The following ARHGEF26 variants were observed in gnomAD, a reference collection of about 807,000 sequenced individuals.
The protein encoded by ARHGEF26 is Rho guanine nucleotide exchange factor (GEF) 26.
ARHGEF26 carries 59 observed loss-of-function variants against 89.4 expected under a neutral mutation model. The observed-to-expected ratio is 0.66, with a 90% CI of 0.54 to 0.82. The LOEUF is 0.82. ARHGEF26 is among the 40% of genes least tolerant of loss of function. The pLI is 0.00. For synonymous variants in ARHGEF26, 500 were observed against 428.4 expected, an observed-to-expected ratio of 1.17 and a Z score of -2.06; for missense variants, 1,234 against 1,085.6, an observed-to-expected ratio of 1.14 and a Z score of -1.92.
Position 154,256,534 on chromosome 3 carries a change from A to ACTT in ARHGEF26, c.*1062_*1064dup. The ACTT allele has an allele frequency of 1.0e-6, 1 of 952,770 alleles. No homozygotes were observed. The highest frequency in any genetic ancestry group is 1.2e-6 in the Non-Finnish European group (1 of 812,040). The allele number at this position is 952,770 out of a possible 1,614,324, so 59.0% of individuals were successfully genotyped here. ...AGGCATGAGCCACCGTGCCCAGCCT[A>ACTT]CTTTCTAATTAATTAAAAAAAAAAA... On this transcript the variant is annotated 3_prime_UTR_variant, in exon 15 of 15. Transcript: ENST00000465093.
At position 154,191,562 on chromosome 3, in the gene ARHGEF26, C is replaced by T. The variant is rs1054959815; in HGVS notation, c.1770+144C>T. 22 of 1,002,910 alleles carry T rather than the reference C, an allele frequency of 2.2e-5. No individual in the cohort carries two copies. The Middle Eastern group carries it at 8.6e-4, about 39-fold the overall frequency. The allele number at this position is 1,002,910 out of a possible 1,614,324, so 62.1% of individuals were successfully genotyped here. ...ATTAAGTGAGAAGGTGTTGTTTGTT[C>T]AGAAAGTCTCACCTGTATCTGATAT... is the stretch of plus-strand genomic sequence containing the variant. On this transcript the variant is annotated intron_variant, in intron 8 of 14. Coordinates refer to ENST00000465093, the MANE Select transcript of ARHGEF26 (RefSeq NM_015595.4).
chr3:154,225,831 T>C, intron 10 of ARHGEF26, 25 bp from the exon 11 acceptor site: 1 of 1,576,540 alleles, frequency 6.3e-7, no homozygotes, highest in Non-Finnish European at 8.6e-7. Flanking sequence ...TTAGCTTTGG[T>C]CACTGGGTTT....
At chr3:154,199,913 T>C (rs991506480) in intron 9 of ARHGEF26, among the ~76,000 whole-genome samples, 2 of 152,152 alleles carry the variant, frequency 1.3e-5, no homozygotes, top group Admixed American at 1.3e-4. Context: ...TATTAGATTT[T>C]TTTTCTATAG....
rs189891630 is a variant in ARHGEF26, at chr3:154,193,933, C to T, written c.1771-711C>T. On this transcript the variant is annotated intron_variant, in intron 8 of 14. Transcript: ENST00000465093. ...CGCTGCAACCTCCACCTCCCAGGCT[C>T]AAGTGACCCTCCCACCTTAGCCTCC... Among the ~76,000 whole-genome samples, 38 of 152,148 alleles carry T rather than the reference C, an allele frequency of 2.5e-4. No individual in the cohort carries two copies. The East Asian group carries it at 7.2e-3, about 29-fold the overall frequency.
At position 154,134,366 on chromosome 3, in the gene ARHGEF26, CA is replaced by C. The variant is rs574626678; in HGVS notation, c.1269+4649del. Among the ~76,000 whole-genome samples, 43 of 152,124 alleles carry C rather than the reference CA, an allele frequency of 2.8e-4. No homozygotes were observed. In the East Asian group the frequency reaches 8.1e-3, roughly 29 times the overall value. ...GGGGAGGACTCTGGGGAGGCTTCCA[CA>C]ATGGTGGAAGGCCAGGAGGAGCAAG... On this transcript the variant is annotated intron_variant, in intron 4 of 14. Coordinates refer to ENST00000465093, the MANE Select transcript of ARHGEF26 (RefSeq NM_015595.4).
At chr3:154,123,925 C>CGA (rs1188893045) in intron 2 of ARHGEF26, among the ~76,000 whole-genome samples, 2 of 146,910 alleles carry the variant, frequency 1.4e-5, no homozygotes, top group African/African-American at 5.0e-5. Flanking sequence ...AAGGCAGATT[C>CGA]TTTTTGGCAG....
intron 12 of ARHGEF26, among the ~76,000 whole-genome samples, chr3:154,244,194 TA>T (rs1717651232): frequency 6.6e-6 from 1 of 152,168 alleles, no homozygotes. Context: ...ATTTTACACC[TA>T]AATCTTTACT....
At chr3:154,154,572 A>G (rs1339074613) in intron 6 of ARHGEF26, among the ~76,000 whole-genome samples, 2 of 83,180 alleles carry the variant, frequency 2.4e-5, no homozygotes, top group East Asian at 5.4e-4. Context: ...TTCTCTTCCC[A>G]TATAGATACT....
chr3:154,253,817 T>C (rs1268923801), intron 13 of ARHGEF26, among the ~76,000 whole-genome samples: 3 of 152,328 alleles, frequency 2.0e-5, no homozygotes, highest in South Asian at 2.1e-4. Context: ...AAAACATTGT[T>C]ATCCTGGAAC....
In ARHGEF26 at chr3:154,221,379, G is replaced by T. The variant is rs1408317717; in HGVS notation, c.1935+3421G>T. On this transcript the variant is annotated intron_variant, in intron 10 of 14. Coordinates refer to ENST00000465093, the MANE Select transcript of ARHGEF26 (RefSeq NM_015595.4). ...AAAAAGGCATTTTTATATGTTGCTGGTGGGAAAGATTGTTTTACCCCAATG... is the reference window on the plus strand; with the variant it reads ...AAAAAGGCATTTTTATATGTTGCTGTTGGGAAAGATTGTTTTACCCCAATG... Among the ~76,000 whole-genome samples the T allele has an allele frequency of 2.0e-5, 3 of 152,146 alleles. No individual in the cohort carries two copies. The East Asian group carries it at 5.8e-4, about 29-fold the overall frequency.
intron 11 of ARHGEF26, among the ~76,000 whole-genome samples, chr3:154,236,330 T>C (rs1201513737): frequency 2.6e-5 from 4 of 152,192 alleles, no homozygotes; most frequent in South Asian, 2.1e-4. Flanking sequence ...AACAGACTTA[T>C]ATAGATTTGA....
At chr3:154,204,421 G>A (rs1460369733) in intron 9 of ARHGEF26, among the ~76,000 whole-genome samples, 6 of 136,726 alleles carry the variant, frequency 4.4e-5, no homozygotes, top group South Asian at 2.5e-4. Context: ...TGCAACCTCC[G>A]CCTCCTGAGT....
At chr3:154,182,864 G>T (rs1398281286) in intron 6 of ARHGEF26, among the ~76,000 whole-genome samples, 2 of 152,112 alleles carry the variant, frequency 1.3e-5, no homozygotes, top group South Asian at 4.1e-4. Context: ...CAGGCTTGCT[G>T]TTGGTTTTGT....
rs1001520381 is a variant in ARHGEF26 at position 154,141,825 on chromosome 3, A to T, written c.1270-7564A>T. Among the ~76,000 whole-genome samples, 26 of 152,326 alleles carry T rather than the reference A, an allele frequency of 1.7e-4. No individual in the cohort carries two copies. In the East Asian group the frequency reaches 5.0e-3, roughly 29 times the overall value. ...TTTCTGTTCTGTTACATTTAAATAGATAACGATCACTTCATGATAAGACTT... is the reference window on the plus strand; with the variant it reads ...TTTCTGTTCTGTTACATTTAAATAGTTAACGATCACTTCATGATAAGACTT... On this transcript the variant is annotated intron_variant, in intron 4 of 14. Transcript: ENST00000465093.
At chr3:154,208,417 A>G (rs1715162199) in intron 9 of ARHGEF26, among the ~76,000 whole-genome samples, 1 of 152,138 alleles carries the variant, frequency 6.6e-6, no homozygotes, top group Non-Finnish European at 1.5e-5. Context: ...GCCTTGAGGT[A>G]GTCTTTTTTG....
In ARHGEF26 at chr3:154,255,638, C is replaced by A; in HGVS notation, c.*165C>A. The A allele has an allele frequency of 7.0e-7, 1 of 1,433,194 alleles. No individual in the cohort carries two copies. The highest frequency in any genetic ancestry group is 3.0e-5 in the Admixed American group (1 of 33,494). 88.8% of individuals were successfully genotyped at this position (1,433,194 alleles called of 1,614,324 possible). A position where few individuals can be genotyped will look rare whatever the true frequency, so the allele number is the denominator to read the frequency against. On this transcript the variant is annotated 3_prime_UTR_variant, in exon 15 of 15. Coordinates refer to ENST00000465093, the MANE Select transcript of ARHGEF26 (RefSeq NM_015595.4). ...TTGTTCTGCTCTCTCATGAGAAGAG[C>A]TTGGATACAGTGAGTTTGCACAGCT...
At chr3:154,229,355 G>A (rs1397496325) in intron 11 of ARHGEF26, among the ~76,000 whole-genome samples, 1 of 152,162 alleles carries the variant, frequency 6.6e-6, no homozygotes, top group African/African-American at 2.4e-5. Context: ...GGGGCTGTGG[G>A]CATGTGCCTT....
intron 6 of ARHGEF26, among the ~76,000 whole-genome samples, chr3:154,167,025 G>A (rs953659136): frequency 2.7e-4 from 41 of 152,040 alleles, no homozygotes; most frequent in African/African-American, 8.5e-4. Flanking sequence ...GAATAACACC[G>A]AGTATAATTT....
intron 7 of ARHGEF26, among the ~76,000 whole-genome samples, chr3:154,190,899 G>T: frequency 6.6e-6 from 1 of 152,068 alleles, no homozygotes; most frequent in East Asian, 1.9e-4. Context: ...TATTATTTAT[G>T]ATCTTATTAA....
Sources: gnomAD v4.1 joint callset for allele counts (sites outside exome capture counted in the v4.1 genomes callset) on GRCh38, gnomAD v4.1.1 for gene constraint, MANE v1.5 for transcripts, NCBI Gene and HGNC (gene_info 2026-07-23, HGNC 2026-07-21) for gene names.